AOAH: variants seen among roughly 807,000 people sequenced by gnomAD.
AOAH encodes the protein acyloxyacyl hydrolase (neutrophil).
Under a neutral mutation model 92.2 loss-of-function variants are expected in AOAH, and 64 were observed. That is an observed-to-expected ratio of 0.69 (90% CI 0.57 to 0.86). The LOEUF is 0.86. AOAH is among the 40% of genes least tolerant of loss of function. The pLI, the probability that AOAH is intolerant of heterozygous loss-of-function variation, is 0.00. For synonymous variants in AOAH, 263 were observed against 254.5 expected, an observed-to-expected ratio of 1.03 and a Z score of -0.32; for missense variants, 656 against 694.6, an observed-to-expected ratio of 0.94 and a Z score of 0.62.
At position 36,681,633 on chromosome 7, in the gene AOAH, C is replaced by T. The variant is rs572972941; in HGVS notation, c.223+5066G>A. 3.9e-5 allele frequency among the ~76,000 whole-genome samples: 6 copies of T among 152,140 alleles called. No homozygotes were observed. The South Asian group carries it at 1.0e-3, about 26-fold the overall frequency. ...CAGCCTGACCAACATGGTGAAACCC[C>T]GTGTCTACTAAAAATGCAAAAATTA... On this transcript the variant is annotated intron_variant, in intron 2 of 20. Transcript: ENST00000617537.
intron 19 of AOAH, among the ~76,000 whole-genome samples, chr7:36,524,620 G>A (rs1290884971): frequency 6.6e-6 from 1 of 152,034 alleles, no homozygotes; most frequent in Non-Finnish European, 1.5e-5. Context: ...AGATTGTAGT[G>A]AGCCAAGATT....
chr7:36,541,727 T>C (rs777081991), intron 15 of AOAH, among the ~76,000 whole-genome samples: 1 of 152,254 alleles, frequency 6.6e-6, no homozygotes, highest in African/African-American at 2.4e-5. Flanking sequence ...TAAAAAGCTA[T>C]GTTTAAAAGG....
chr7:36,682,454 GTTAT>G (rs1357031767), intron 2 of AOAH, among the ~76,000 whole-genome samples: 1 of 152,034 alleles, frequency 6.6e-6, no homozygotes, highest in Non-Finnish European at 1.5e-5. Context: ...CCCATACAAA[GTTAT>G]TATAAGAAGA....
At chr7:36,560,222 T>G (rs1224276027) in intron 13 of AOAH, among the ~76,000 whole-genome samples, 1 of 152,236 alleles carries the variant, frequency 6.6e-6, no homozygotes, top group Non-Finnish European at 1.5e-5. Flanking sequence ...CAGGCTTTTT[T>G]TTGGTTCCAT....
At chr7:36,514,491 A>G (rs1193814974) in intron 20 of AOAH, 5 of 1,535,716 alleles carry the variant, frequency 3.3e-6, no homozygotes, top group Non-Finnish European at 4.4e-6. Context: ...CTGCTGTCGC[A>G]TGTCAGGTTT....
intron 1 of AOAH, among the ~76,000 whole-genome samples, chr7:36,721,399 C>G (rs888193145): frequency 6.6e-6 from 1 of 152,162 alleles, no homozygotes; most frequent in Non-Finnish European, 1.5e-5. Flanking sequence ...TTGCCAAGAG[C>G]ACTTCTCAAT....
chr7:36,540,572 TCACA>T, intron 15 of AOAH, 81 bp from the exon 16 acceptor site: 1 of 1,248,380 alleles, frequency 8.0e-7, no homozygotes, highest in Non-Finnish European at 1.1e-6. Context: ...ACAAGATACA[TCACA>T]CACACATACG....
At chr7:36,620,975 C>T (rs1792238216) in intron 8 of AOAH, 146 bp from the exon 9 acceptor site, 1 of 727,420 alleles carries the variant, frequency 1.4e-6, no homozygotes, top group Non-Finnish European at 2.3e-6. Flanking sequence ...AATAGCATCA[C>T]ATCCCATTGT....
intron 16 of AOAH, among the ~76,000 whole-genome samples, chr7:36,538,203 T>G (rs944183319): frequency 6.6e-6 from 1 of 151,922 alleles, no homozygotes; most frequent in Non-Finnish European, 1.5e-5. Flanking sequence ...AATTTTTGTA[T>G]TTTTAGAAGA....
chr7:36,636,938 C>G (rs1264078232), intron 5 of AOAH, among the ~76,000 whole-genome samples: 4 of 152,200 alleles, frequency 2.6e-5, no homozygotes, highest in African/African-American at 9.6e-5. Context: ...GAATGATGAG[C>G]TAGCCAGCAG....
At chr7:36,664,826 A>C (rs1400477110) in intron 3 of AOAH, among the ~76,000 whole-genome samples, 1 of 152,230 alleles carries the variant, frequency 6.6e-6, no homozygotes, top group Non-Finnish European at 1.5e-5. Context: ...GTGAGGCCTC[A>C]GGAAGCTTTC....
At chr7:36,641,440 T>C (rs1479976468) in intron 4 of AOAH, among the ~76,000 whole-genome samples, 1 of 152,158 alleles carries the variant, frequency 6.6e-6, no homozygotes, top group Admixed American at 6.5e-5. Flanking sequence ...TAATTTTTGA[T>C]TTCCCTTAAC....
chr7:36,573,339 G>A (rs963234764), intron 13 of AOAH, among the ~76,000 whole-genome samples: 2 of 152,166 alleles, frequency 1.3e-5, no homozygotes, highest in African/African-American at 4.8e-5. Flanking sequence ...TTGCAAAAAA[G>A]ATTTGGCAGC....
rs190954153 is a variant in AOAH, at chr7:36,577,465, C to T, written c.939-809G>A. On this transcript the variant is annotated intron_variant, in intron 12 of 20. Transcript: ENST00000617537. ...GTGGAGTTGAGCTCCCATATCAATT[C>T]CAGACTGCACATTTTCTAAACCTTT... 3.3e-4 allele frequency among the ~76,000 whole-genome samples: 50 copies of T among 152,228 alleles called. No individual in the cohort carries two copies. The East Asian group carries it at 9.4e-3, about 29-fold the overall frequency.
intron 1 of AOAH, among the ~76,000 whole-genome samples, chr7:36,708,413 C>T (rs750167473): frequency 4.7e-4 from 72 of 152,130 alleles, no homozygotes; most frequent in Non-Finnish European, 8.8e-4. Context: ...TTTTATATCT[C>T]TATTGAAATT....
intron 6 of AOAH, among the ~76,000 whole-genome samples, chr7:36,629,456 C>A (rs1792914686): frequency 1.3e-5 from 2 of 152,140 alleles, no homozygotes; most frequent in Admixed American, 6.5e-5. Context: ...GGCATGATGA[C>A]ATGATTGGGG....
chr7:36,527,901 C>T (rs1784485891), intron 19 of AOAH, among the ~76,000 whole-genome samples: 1 of 152,208 alleles, frequency 6.6e-6, no homozygotes. Flanking sequence ...CCTCCCACTG[C>T]TTTGGAAAAT....
At chr7:36,546,743 G>C (rs530351314) in intron 15 of AOAH, among the ~76,000 whole-genome samples, 1 of 152,202 alleles carries the variant, frequency 6.6e-6, no homozygotes, top group Non-Finnish European at 1.5e-5. Flanking sequence ...TGCTCTGGGG[G>C]CTGGGGGAGC....
At chr7:36,610,126 C>T (rs10243794) in intron 11 of AOAH, among the ~76,000 whole-genome samples, 200 of 88,654 alleles carry the variant, frequency 2.3e-3, no homozygotes, top group Admixed American at 5.4e-3. Flanking sequence ...TTTCTTTTTT[C>T]TTTTTTTTTT....
Sources: allele counts gnomAD v4.1 joint callset (sites outside exome capture counted in the v4.1 genomes callset), GRCh38; gene constraint gnomAD v4.1.1; transcripts MANE v1.5; gene names NCBI Gene and HGNC (gene_info 2026-07-23, HGNC 2026-07-21).